NOX4: variants seen among roughly 807,000 people sequenced by gnomAD.
NOX4 encodes the protein NADPH oxidase 4, also known as kidney oxidase-1.
Under a neutral mutation model 87.6 loss-of-function variants are expected in NOX4, and 69 were observed. The ratio of observed to expected loss-of-function variants is 0.79; its 90% CI spans 0.65 to 0.96. NOX4 has a LOEUF of 0.96. NOX4 is among the 40% of genes least tolerant of loss of function. The pLI, the probability that NOX4 is intolerant of heterozygous loss-of-function variation, is 0.00. For synonymous variants in NOX4, 275 were observed against 238.2 expected, an observed-to-expected ratio of 1.15 and a Z score of -1.42; for missense variants, 680 against 681.5, an observed-to-expected ratio of 1.00 and a Z score of 0.02.
intron 2 of NOX4, among the ~76,000 whole-genome samples, chr11:89,476,243 C>T (rs1591349059): frequency 6.6e-6 from 1 of 152,182 alleles, no homozygotes; most frequent in South Asian, 2.1e-4. Context: ...TATTCCATTG[C>T]CTAGTACTCC....
intron 1 of NOX4, among the ~76,000 whole-genome samples, chr11:89,497,430 T>A (rs1053011671): frequency 2.6e-5 from 4 of 152,116 alleles, no homozygotes; most frequent in African/African-American, 9.7e-5. Context: ...TCTGAATATA[T>A]TAAGAAAATC....
intron 2 of NOX4, among the ~76,000 whole-genome samples, chr11:89,486,298 T>A (rs1946593504): frequency 6.7e-6 from 1 of 148,726 alleles, no homozygotes; most frequent in African/African-American, 2.5e-5. Context: ...TAAATTTATT[T>A]ATTTAAATAT....
chr11:89,563,994 G>T, the NOX4 span, among the ~76,000 whole-genome samples: 1 of 152,182 alleles, frequency 6.6e-6, no homozygotes, highest in Admixed American at 6.5e-5. Flanking sequence ...ATTTAGAGGG[G>T]TTTACTGAAC....
chr11:89,402,042 G>A (rs1404024429), intron 9 of NOX4, among the ~76,000 whole-genome samples: 5 of 151,752 alleles, frequency 3.3e-5, no homozygotes, highest in Non-Finnish European at 7.4e-5. Flanking sequence ...TCAAATGATG[G>A]GAAAAAATAT....
chr11:89,484,083 G>C (rs1240486024), intron 2 of NOX4, among the ~76,000 whole-genome samples: 1 of 152,018 alleles, frequency 6.6e-6, no homozygotes, highest in Non-Finnish European at 1.5e-5. Context: ...TTAGACTAAA[G>C]TCTAGTATTA....
intron 2 of NOX4, among the ~76,000 whole-genome samples, chr11:89,486,089 AT>A (rs1045446631): frequency 2.0e-5 from 3 of 151,282 alleles, no homozygotes; most frequent in African/African-American, 7.3e-5. Context: ...ATTCGTATGT[AT>A]TTTTTTTACT....
At chr11:89,556,482 C>G in the NOX4 span, among the ~76,000 whole-genome samples, 2 of 148,926 alleles carry the variant, frequency 1.3e-5, no homozygotes, top group African/African-American at 2.5e-5. Context: ...GAGATCACAC[C>G]ACTTCATTCC....
the NOX4 span, among the ~76,000 whole-genome samples, chr11:89,557,843 T>C: frequency 6.6e-6 from 1 of 152,082 alleles, no homozygotes; most frequent in Non-Finnish European, 1.5e-5. Context: ...GAAACAAAGA[T>C]ACTTGTAGAA....
chr11:89,492,486 A>C (rs1297611822), upstream of NOX4, among the ~76,000 whole-genome samples: 2 of 152,228 alleles, frequency 1.3e-5, no homozygotes, highest in Non-Finnish European at 2.9e-5. Flanking sequence ...TACATGCAAT[A>C]TACTTATTCC....
chr11:89,553,581 T>C, the NOX4 span, among the ~76,000 whole-genome samples: 1 of 152,120 alleles, frequency 6.6e-6, no homozygotes, highest in Non-Finnish European at 1.5e-5. Flanking sequence ...AATCTCTCAA[T>C]CTAGAAATCT....
At position 89,440,698 on chromosome 11, in the gene NOX4, G is replaced by C. The variant is rs771026045; in HGVS notation, c.465C>G (p.Leu155=). ...RYRDEDPRKL[L]FTTVPGLTGV... ...AGAATAACAACTTACCAGTTGTGAA[G>C]AGAAGTTTTCTAGGATCCTGAGAAA... The change falls in exon 6 of 18, where the codon CTC becomes CTG. Residue 155 remains leucine (L), a synonymous_variant. Transcript: ENST00000263317. The C allele has an allele frequency of 6.5e-7, 1 of 1,544,856 alleles. No individual in the cohort carries two copies. The highest frequency in any genetic ancestry group is 2.3e-5 in the East Asian group (1 of 43,622).
At chr11:89,545,528 A>G in the NOX4 span, 3 of 152,136 alleles carry the variant, frequency 2.0e-5, no homozygotes, top group Non-Finnish European at 4.4e-5. Flanking sequence ...ACCTTTAGTA[A>G]GTTTTTAATA....
the NOX4 span, chr11:89,548,021 T>G: frequency 6.6e-6 from 1 of 151,780 alleles, no homozygotes; most frequent in Admixed American, 6.6e-5. Context: ...CCTTGGAAAT[T>G]TAATTAAAAT....
At chr11:89,450,716 T>TC (rs1319490142) in intron 3 of NOX4, among the ~76,000 whole-genome samples, 1 of 112,828 alleles carries the variant, frequency 8.9e-6, no homozygotes, top group African/African-American at 3.4e-5. Flanking sequence ...ATGCCATCCC[T>TC]CCCCCCTCCC....
At chr11:89,366,585 A>C (rs1465020370) in intron 12 of NOX4, among the ~76,000 whole-genome samples, 1 of 151,684 alleles carries the variant, frequency 6.6e-6, no homozygotes, top group Non-Finnish European at 1.5e-5. Context: ...CTGACATGTG[A>C]GGATCCATAG....
the NOX4 span, among the ~76,000 whole-genome samples, chr11:89,531,569 G>A: frequency 6.6e-6 from 1 of 152,180 alleles, no homozygotes; most frequent in South Asian, 2.1e-4. Context: ...GGGTCCTGGT[G>A]AGAGTGACTG....
chr11:89,584,663 T>C, the NOX4 span, among the ~76,000 whole-genome samples: 1 of 152,180 alleles, frequency 6.6e-6, no homozygotes, highest in African/African-American at 2.4e-5. Context: ...TTTTATATTC[T>C]AAAAAGTACA....
chr11:89,456,025 T>C (rs1445318857), intron 2 of NOX4, among the ~76,000 whole-genome samples: 2 of 151,998 alleles, frequency 1.3e-5, no homozygotes, highest in African/African-American at 2.4e-5. Flanking sequence ...AAGGCAACTA[T>C]AGTTAACAAT....
At chr11:89,443,287 A>G (rs1040823309) in intron 5 of NOX4, 2 of 152,092 alleles carry the variant, frequency 1.3e-5, no homozygotes. Context: ...CATGAACACA[A>G]CAGTATTAAA....
Sources: gnomAD v4.1 joint callset for allele counts (sites outside exome capture counted in the v4.1 genomes callset) on GRCh38, gnomAD v4.1.1 for gene constraint, MANE v1.5 for transcripts, NCBI Gene and HGNC (gene_info 2026-07-23, HGNC 2026-07-21) for gene names.